The following NF2 variants were observed in gnomAD, a reference collection of about 807,000 sequenced individuals.
The protein encoded by NF2 is NF2, moesin-ezrin-radixin like (MERLIN) tumor suppressor.
NF2 carries 8 observed loss-of-function variants against 83.7 expected under a neutral mutation model. That is an observed-to-expected ratio of 0.10 (90% CI 0.06 to 0.17). The LOEUF (loss-of-function observed/expected upper bound fraction) is 0.17, where lower values mean the gene tolerates loss of function less well. Ranked by LOEUF, NF2 falls within the 10% of genes least tolerant of loss-of-function variation. The pLI, the probability that NF2 is intolerant of heterozygous loss-of-function variation, is 1.00. For missense variants in NF2, 533 were observed against 744.4 expected, an observed-to-expected ratio of 0.72 and a Z score of 3.31; for synonymous variants, 266 against 269.6, an observed-to-expected ratio of 0.99 and a Z score of 0.13.
At chr22:29,610,735 A>G (rs990955760) in intron 1 of NF2, among the ~76,000 whole-genome samples, 3 of 152,172 alleles carry the variant, frequency 2.0e-5, no homozygotes, top group African/African-American at 4.8e-5. Flanking sequence ...AATTCTATCA[A>G]ACATTTCAAG....
chr22:29,616,346 A>T (rs1308863931), intron 1 of NF2, among the ~76,000 whole-genome samples: 1 of 152,240 alleles, frequency 6.6e-6, no homozygotes, highest in Non-Finnish European at 1.5e-5. Flanking sequence ...TGTTTAAAAA[A>T]AACCTTAGGC....
intron 1 of NF2, among the ~76,000 whole-genome samples, chr22:29,614,268 C>T (rs985924841): frequency 6.6e-6 from 1 of 151,270 alleles, no homozygotes; most frequent in African/African-American, 2.4e-5. Context: ...ATGGTGAAAC[C>T]CCATCTCTAC....
At chr22:29,641,207 G>C (rs1174233297) in intron 3 of NF2, among the ~76,000 whole-genome samples, 1 of 152,168 alleles carries the variant, frequency 6.6e-6, no homozygotes, top group Non-Finnish European at 1.5e-5. Flanking sequence ...ATGAAACCAA[G>C]GGATTAGAAA....
intron 1 of NF2, among the ~76,000 whole-genome samples, chr22:29,604,460 G>A (rs1360349371): frequency 1.3e-5 from 2 of 152,232 alleles, no homozygotes; most frequent in Non-Finnish European, 2.9e-5. Context: ...TAGAAGTTGC[G>A]TCTTGTTTAT....
At chr22:29,612,858 G>A (rs1439630152) in intron 1 of NF2, among the ~76,000 whole-genome samples, 2 of 152,062 alleles carry the variant, frequency 1.3e-5, no homozygotes, top group Admixed American at 6.6e-5. Flanking sequence ...CACTTTGGGA[G>A]GCCGAGGCAG....
At chr22:29,619,377 A>G (rs1031122987) in intron 1 of NF2, among the ~76,000 whole-genome samples, 1 of 145,512 alleles carries the variant, frequency 6.9e-6, no homozygotes, top group African/African-American at 2.6e-5. Context: ...GTGCTCTCCC[A>G]TGGGTTTTTT....
At chr22:29,616,296 A>T (rs1258104326) in intron 1 of NF2, among the ~76,000 whole-genome samples, 4 of 152,224 alleles carry the variant, frequency 2.6e-5, no homozygotes, top group Non-Finnish European at 5.9e-5. Context: ...TATACACTTT[A>T]AATGGGTGAA....
intron 1 of NF2, among the ~76,000 whole-genome samples, chr22:29,623,172 T>C (rs1045853702): frequency 4.6e-5 from 7 of 151,558 alleles, no homozygotes; most frequent in African/African-American, 1.7e-4. Context: ...CTGGAACTTC[T>C]GGGCTCAAGC....
chr22:29,629,254 A>G (rs1005066116), intron 1 of NF2, among the ~76,000 whole-genome samples: 1 of 152,202 alleles, frequency 6.6e-6, no homozygotes, highest in African/African-American at 2.4e-5. Context: ...TGAGATTATC[A>G]GTGTCAGACA....
intron 4 of NF2, among the ~76,000 whole-genome samples, chr22:29,647,884 G>T (rs937765961): frequency 6.6e-6 from 1 of 152,060 alleles, no homozygotes; most frequent in African/African-American, 2.4e-5. Context: ...CTCAAATGAA[G>T]ATCCTTTTAT....
chr22:29,683,595 A>T (rs993702915), intron 15 of NF2: 3 of 1,093,152 alleles, frequency 2.7e-6, no homozygotes, highest in Non-Finnish European at 2.2e-6. Flanking sequence ...TTCTGCACAC[A>T]TCCCTTTTCT....
chr22:29,615,788 A>G (rs2065068004), intron 1 of NF2, among the ~76,000 whole-genome samples: 1 of 152,212 alleles, frequency 6.6e-6, no homozygotes, highest in Admixed American at 6.5e-5. Context: ...TTAAACACAG[A>G]GTTACCATAT....
chr22:29,678,411 T>C, intron 14 of NF2, 88 bp downstream of exon 14: 1 of 1,497,956 alleles, frequency 6.7e-7, no homozygotes, highest in Non-Finnish European at 9.2e-7. Context: ...AGGTGAGAGG[T>C]CGCTGCAGCA....
intron 3 of NF2, among the ~76,000 whole-genome samples, chr22:29,641,346 C>T (rs1381216084): frequency 2.6e-5 from 4 of 152,178 alleles, no homozygotes; most frequent in African/African-American, 9.7e-5. Context: ...CCAGAATGTC[C>T]TAATGTTATA....
intron 1 of NF2, among the ~76,000 whole-genome samples, chr22:29,635,128 TTGAC>T (rs2065615270): frequency 6.6e-6 from 1 of 152,138 alleles, no homozygotes; most frequent in Admixed American, 6.5e-5. Flanking sequence ...TTGCTTGACT[TTGAC>T]TGCAAACACA....
intron 1 of NF2, among the ~76,000 whole-genome samples, chr22:29,623,777 G>C (rs2065275325): frequency 6.6e-6 from 1 of 152,198 alleles, no homozygotes; most frequent in South Asian, 2.1e-4. Context: ...CTAAACCGAT[G>C]TCTGAACACC....
rs1235189226 is a variant in NF2, at chr22:29,636,574, T to C, written c.115-177T>C. On this transcript the variant is annotated intron_variant, in intron 1 of 15. Transcript: ENST00000338641. The surrounding 1 kb of genome is among the most constrained non-coding windows in gnomAD (Gnocchi z 4.4). ...GATTAAGCCATTAAGCTCTAATTGG[T>C]ATTTTCCCACTCATGGGTTTGTAAA... 6.6e-6 allele frequency among the ~76,000 whole-genome samples: 1 copy of C among 152,240 alleles called. No individual in the cohort carries two copies. Among genetic ancestry groups the C allele is most frequent in the Admixed American group, 6.5e-5 (1 of 15,292 alleles).
intron 1 of NF2, among the ~76,000 whole-genome samples, chr22:29,624,606 G>A (rs1362253999): frequency 6.6e-6 from 1 of 152,310 alleles, no homozygotes; most frequent in East Asian, 1.9e-4. Flanking sequence ...TATCTATGTT[G>A]TCATGGGCTG....
chr22:29,618,472 G>GA (rs1432751819), intron 1 of NF2, among the ~76,000 whole-genome samples: 1 of 152,000 alleles, frequency 6.6e-6, no homozygotes, highest in Non-Finnish European at 1.5e-5. Flanking sequence ...GAGATAGGGG[G>GA]AAAAATCTCC....
Sources: gnomAD v4.1 joint callset for allele counts (sites outside exome capture counted in the v4.1 genomes callset) on GRCh38, gnomAD v4.1.1 for gene constraint, Gnocchi (gnomAD v3.1) non-coding constraint, MANE v1.5 for transcripts, NCBI Gene and HGNC (gene_info 2026-07-23, HGNC 2026-07-21) for gene names.